CPNE6: variants seen among roughly 807,000 people sequenced by gnomAD.
CPNE6 encodes copine-6.
CPNE6 carries 33 observed loss-of-function variants against 71.5 expected under a neutral mutation model. That is an observed-to-expected ratio of 0.46 (90% CI 0.35 to 0.62). The LOEUF (loss-of-function observed/expected upper bound fraction) is 0.62. Ranked by LOEUF, CPNE6 falls within the 20% of genes least tolerant of loss-of-function variation. The probability of loss-of-function intolerance (pLI) is 0.00; values close to 1 mark genes in which losing one functional copy is unlikely to be tolerated. For missense variants in CPNE6, 576 were observed against 747.3 expected, an observed-to-expected ratio of 0.77 and a Z score of 2.67; for synonymous variants, 296 against 293.0, an observed-to-expected ratio of 1.01 and a Z score of -0.10.
In CPNE6 at chr14:24,071,850, C is replaced by T. The variant is rs185472623; in HGVS notation, c.-5+209C>T. The T allele has an allele frequency of 1.9e-3, 996 of 534,774 alleles. 8 individuals are homozygous for T. Among genetic ancestry groups the T allele is most frequent in the African/African-American group, 0.017 (887 of 52,194 alleles). The allele number at this position is 534,774 out of a possible 1,614,324, so 33.1% of individuals were successfully genotyped here. A position where few individuals can be genotyped will look rare whatever the true frequency, so the allele number is the denominator to read the frequency against. On this transcript the variant is annotated intron_variant, in intron 2 of 17. Coordinates refer to ENST00000397016, the Ensembl canonical transcript of CPNE6. Reference sequence around the variant, plus strand: ...CCCCCTCCCCCAGCCCAGACCCTCCCTCACATATCCAGAAAGGCACACACT... The same window carrying T: ...CCCCCTCCCCCAGCCCAGACCCTCCTTCACATATCCAGAAAGGCACACACT...
intron 14 of CPNE6, 54 bp downstream of exon 13, chr14:24,076,611 G>T: frequency 6.2e-7 from 1 of 1,606,994 alleles, no homozygotes; most frequent in Non-Finnish European, 8.5e-7. Context: ...ACTCCACACA[G>T]GAGCACAGAC....
At position 24,073,827 on chromosome 14, in the gene CPNE6, G is replaced by A; in HGVS notation, c.348+149G>A. On this transcript the variant is annotated intron_variant, in intron 4 of 17. Coordinates refer to ENST00000397016, the Ensembl canonical transcript of CPNE6. The surrounding 1 kb of genome is among the most constrained non-coding windows in gnomAD (Gnocchi z 5.5). ...CCATTCACTAGCTGTGCAGCCTCAGGAAAGATACTTAACCTCTCTGAGTCT... is the reference window on the plus strand; with the variant it reads ...CCATTCACTAGCTGTGCAGCCTCAGAAAAGATACTTAACCTCTCTGAGTCT... 1.1e-6 allele frequency: 1 copy of A among 925,760 alleles called. No individual in the cohort carries two copies. The highest frequency in any genetic ancestry group is 1.6e-6 in the Non-Finnish European group (1 of 613,746). The allele number at this position is 925,760 out of a possible 1,614,324, so 57.3% of individuals were successfully genotyped here.
At chr14:24,076,988 G>A in exon 15 of CPNE6, 1 of 1,611,620 alleles carries the variant, frequency 6.2e-7, no homozygotes, top group Non-Finnish European at 8.5e-7. Context: ...CGGCCCAGCG[G>A]GAGCAGAGCA....
At chr14:24,077,000 C>A in exon 15 of CPNE6, 1 of 1,610,802 alleles carries the variant, frequency 6.2e-7, no homozygotes, top group South Asian at 1.1e-5. Context: ...AGCAGAGCAC[C>A]GGCCAAGCCA....
In CPNE6 at chr14:24,071,702, TAAC is replaced by T; in HGVS notation, c.-5+66_-5+68del. On this transcript the variant is annotated intron_variant, in intron 2 of 17. Transcript: ENST00000397016. Reference sequence around the variant, plus strand: ...CCAGCCCAGCTTGGCCCAGTCTCCATAACAACATCTCCTGGAGCCCGCAGAGAG... The same window carrying T: ...CCAGCCCAGCTTGGCCCAGTCTCCATAACATCTCCTGGAGCCCGCAGAGAG... 1.1e-5 allele frequency: 7 copies of T among 662,586 alleles called. No individual in the cohort carries two copies. In the South Asian group the frequency reaches 1.1e-4, roughly 10 times the overall value. 41.0% of individuals were successfully genotyped at this position (662,586 alleles called of 1,614,324 possible).
At chr14:24,072,768 C>G in intron 2 of CPNE6, 165 bp from the exon 2 acceptor site, 1 of 548,616 alleles carries the variant, frequency 1.8e-6, no homozygotes, top group South Asian at 4.1e-5. Context: ...CCTCTGCCCT[C>G]CCCTGCTCAG....
rs1483838798 is a variant in CPNE6, at chr14:24,076,863, T to A, written c.1166-16T>A. ...TGCTCATTTCTGCCAGCTTCACAAC[T>A]TCTCTTCACTCACAGAGATCTCAGG... On this transcript the variant is annotated splice_polypyrimidine_tract_variant and intron_variant, in intron 14 of 17. Coordinates refer to ENST00000397016, the Ensembl canonical transcript of CPNE6. The A allele has an allele frequency of 6.2e-7, 1 of 1,611,812 alleles. No individual in the cohort carries two copies. The highest frequency in any genetic ancestry group is 2.2e-5 in the East Asian group (1 of 44,880).
In CPNE6 at chr14:24,077,214, A is replaced by G. The variant is rs748604676; in HGVS notation, c.1360A>G (p.Thr454Ala). Residue 454 changes from threonine to alanine, a missense_variant, in exon 16 of 18, where the codon ACT becomes GCT. By Grantham distance (58) the Thr-to-Ala change is moderately conservative (BLOSUM62 0). Coordinates refer to ENST00000397016, the Ensembl canonical transcript of CPNE6. The surrounding 1 kb of genome is among the most constrained non-coding windows in gnomAD (Gnocchi z 6.1). The stretch of plus-strand genomic sequence containing the variant: ...GGTGAGCGACATGGCTGAGACTCGC[A>G]CTGCTATCGTGCGTGCCTCCCGCCT... 5.6e-6 allele frequency: 9 copies of G among 1,611,872 alleles called. No individual in the cohort carries two copies. Among genetic ancestry groups the G allele is most frequent in the South Asian group, 1.1e-5 (1 of 91,076 alleles).
Position 24,073,413 on chromosome 14 carries a change from A to T in CPNE6, c.169-86A>T. 2.8e-6 allele frequency: 4 copies of T among 1,424,712 alleles called. No individual in the cohort carries two copies. The highest frequency in any genetic ancestry group is 3.8e-6 in the Non-Finnish European group (4 of 1,048,922). 88.3% of individuals were successfully genotyped at this position (1,424,712 alleles called of 1,614,324 possible). ...GCTGGGGACGTGGGGGCCCAAGAAG[A>T]GCTGGCATGACTAGGGCAGTCCAGG... is the stretch of plus-strand genomic sequence containing the variant. On this transcript the variant is annotated intron_variant, in intron 3 of 17. Transcript: ENST00000397016. The surrounding 1 kb of genome is among the most constrained non-coding windows in gnomAD (Gnocchi z 5.5).
chr14:24,076,621 C>T lies in CPNE6; in HGVS notation c.1165+64C>T, dbSNP rs754050638. ...GACACACTCCACACAGGAGCACAGA[C>T]TCCACTCCCCAGGGCCCAGCTTCCT... On this transcript the variant is annotated intron_variant, in intron 14 of 17. Coordinates refer to ENST00000397016, the Ensembl canonical transcript of CPNE6. 13 of 1,598,770 alleles carry T rather than the reference C, an allele frequency of 8.1e-6. No individual in the cohort carries two copies. In the Admixed American group the frequency reaches 1.8e-4, roughly 23 times the overall value.
rs1490857889 is a variant in CPNE6 at position 24,074,914 on chromosome 14, G to C, written c.672+119G>C. ...CCCCAAGTGATAATCACATCCCACTGTGGGATAAATAATAGGTCACAGCTC... is the reference window on the plus strand; with the variant it reads ...CCCCAAGTGATAATCACATCCCACTCTGGGATAAATAATAGGTCACAGCTC... On this transcript the variant is annotated intron_variant, in intron 8 of 17. Transcript: ENST00000397016. The surrounding 1 kb of genome is among the most constrained non-coding windows in gnomAD (Gnocchi z 4.5). The C allele has an allele frequency of 2.4e-6, 2 of 849,550 alleles. No homozygotes were observed. Among genetic ancestry groups the C allele is most frequent in the Admixed American group, 4.2e-5 (2 of 47,606 alleles). The allele number at this position is 849,550 out of a possible 1,614,324, so 52.6% of individuals were successfully genotyped here.
exon 12 of CPNE6, chr14:24,076,225 C>T: frequency 6.2e-7 from 1 of 1,614,248 alleles, no homozygotes; most frequent in South Asian, 1.1e-5. Context: ...CCCCGACAGC[C>T]CAACCACTAC....
chr14:24,075,182 A>C lies in CPNE6; in HGVS notation c.683A>C (p.Tyr228Ser), dbSNP rs888044762. The change falls in exon 9 of 18, where the codon TAT becomes TCT. Residue 228 changes from tyrosine to serine, a missense_variant. Physicochemically the swap from Tyr to Ser is moderately radical, Grantham distance 144. This residue lies in a region of CPNE6 where 214 missense variants were observed against 291.2 expected (regional missense o/e 0.73). Transcript: ENST00000397016. This position sits in a 1 kb window ranked among gnomAD's most constrained non-coding sequence, Gnocchi z 4.3. ...CCCCTGCCTTCTCAGTTCCTGGTGTATGACTATGACTCCAGTGGGAAGCAT... is the reference window on the plus strand; with the variant it reads ...CCCCTGCCTTCTCAGTTCCTGGTGTCTGACTATGACTCCAGTGGGAAGCAT... 5.6e-6 allele frequency: 9 copies of C among 1,613,426 alleles called. No homozygotes were observed. The African/African-American group carries it at 1.2e-4, about 22-fold the overall frequency.
At chr14:24,076,254 G>T in exon 12 of CPNE6, 1 of 1,614,248 alleles carries the variant, frequency 6.2e-7, no homozygotes, top group Non-Finnish European at 8.5e-7. Context: ...CCTGCGTGCA[G>T]TGGGAGGCAT....
chr14:24,072,996 T>C lies in CPNE6; in HGVS notation c.60T>C (p.Ser20=), dbSNP rs546442357. 5 of 1,586,464 alleles carry C rather than the reference T, an allele frequency of 3.2e-6. No homozygotes were observed. In the African/African-American group the frequency reaches 5.5e-5, roughly 17 times the overall value. ...CCCCAACCATGACGCTGGGGGCCTC[T>C]CGGGTGGAGCTGCGGGTGTCCTGCC... The change falls in exon 3 of 18, where the codon TCT becomes TCC. Residue 20 remains serine, a synonymous_variant. Transcript: ENST00000397016.
chr14:24,073,438 G>A lies in CPNE6; in HGVS notation c.169-61G>A. On this transcript the variant is annotated intron_variant, in intron 3 of 17. Coordinates refer to ENST00000397016, the Ensembl canonical transcript of CPNE6. The surrounding 1 kb of genome is among the most constrained non-coding windows in gnomAD (Gnocchi z 5.5). ...AGCTGGCATGACTAGGGCAGTCCAG[G>A]ACAGGGAAAAGTATCCTCGGTTCCC... 2 of 1,567,248 alleles carry A rather than the reference G, an allele frequency of 1.3e-6. No homozygotes were observed. The highest frequency in any genetic ancestry group is 8.7e-7 in the Non-Finnish European group (1 of 1,153,168).
exon 18 of CPNE6, chr14:24,078,005 AC>A (rs1460955742): frequency 2.9e-6 from 1 of 346,460 alleles, no homozygotes; most frequent in Non-Finnish European, 5.2e-6. Flanking sequence ...CAAACCCCAT[AC>A]CCTTCAATGC....
At position 24,077,024 on chromosome 14, in the gene CPNE6, T is replaced by C. The variant is rs943290072; in HGVS notation, c.1299+12T>C. On this transcript the variant is annotated intron_variant, in intron 15 of 17. Coordinates refer to ENST00000397016, the Ensembl canonical transcript of CPNE6. This position sits in a 1 kb window ranked among gnomAD's most constrained non-coding sequence, Gnocchi z 6.1. Reference sequence around the variant, plus strand: ...CCGGCCAAGCCACGGTAGGAAGACATGGCGGGCAAACAGGAGCTGTCCCAT... The same window carrying C: ...CCGGCCAAGCCACGGTAGGAAGACACGGCGGGCAAACAGGAGCTGTCCCAT... 6.2e-7 allele frequency: 1 copy of C among 1,608,328 alleles called. No homozygotes were observed. Among genetic ancestry groups the C allele is most frequent in the Non-Finnish European group, 8.5e-7 (1 of 1,179,958 alleles).
exon 2 of CPNE6, chr14:24,071,628 G>T: frequency 9.0e-7 from 1 of 1,105,742 alleles, no homozygotes; most frequent in Non-Finnish European, 1.3e-6. Flanking sequence ...AGGAGCCCCC[G>T]ACCGAGAGCC....
Sources: allele counts gnomAD v4.1 joint callset, GRCh38; gene constraint gnomAD v4.1.1; regional missense constraint gnomAD v4.1.1; non-coding constraint Gnocchi (gnomAD v3.1); transcripts MANE v1.5; gene names NCBI Gene and HGNC (gene_info 2026-07-23, HGNC 2026-07-21).